HOMER1: variants seen among roughly 807,000 people sequenced by gnomAD.
HOMER1 encodes the protein homer scaffold protein 1.
In HOMER1, 3 loss-of-function variants were observed where a neutral mutation model predicts 48.9. The observed-to-expected ratio is 0.06, with a 90% CI of 0.03 to 0.16. The LOEUF is 0.16. Ranked by LOEUF, HOMER1 falls within the 10% of genes least tolerant of loss-of-function variation. HOMER1 has a pLI of 1.00. For missense variants in HOMER1, 247 were observed against 411.4 expected (o/e 0.60, Z 3.46); for synonymous variants, 134 against 146.4 (o/e 0.92, Z 0.61).
chr5:79,405,638 GT>G (rs775786143), intron 5 of HOMER1, among the ~76,000 whole-genome samples: 78 of 151,912 alleles, frequency 5.1e-4, no homozygotes, highest in Admixed American at 1.4e-3. Flanking sequence ...GTATTTTCCA[GT>G]TATTACACCC....
At chr5:79,407,467 A>G (rs1254715637) in intron 5 of HOMER1, among the ~76,000 whole-genome samples, 1 of 152,226 alleles carries the variant, frequency 6.6e-6, no homozygotes, top group East Asian at 1.9e-4. Context: ...ACGTTCACTC[A>G]GATTGTGAAT....
At chr5:79,402,483 A>G (rs1222873788) in intron 5 of HOMER1, among the ~76,000 whole-genome samples, 1 of 152,190 alleles carries the variant, frequency 6.6e-6, no homozygotes, top group African/African-American at 2.4e-5. Flanking sequence ...GAATGTTTTC[A>G]AAGACAACCT....
chr5:79,442,667 C>A (rs1750766197), intron 4 of HOMER1, among the ~76,000 whole-genome samples: 1 of 152,192 alleles, frequency 6.6e-6, no homozygotes, highest in Non-Finnish European at 1.5e-5. Flanking sequence ...TACCATTTAA[C>A]AAACATTCAT....
chr5:79,481,107 C>G (rs1158554023), intron 1 of HOMER1, among the ~76,000 whole-genome samples: 1 of 152,138 alleles, frequency 6.6e-6, no homozygotes, highest in Non-Finnish European at 1.5e-5. Flanking sequence ...ATTGCTTTTT[C>G]TTTCATCACT....
chr5:79,479,120 G>A (rs150358841), intron 1 of HOMER1, among the ~76,000 whole-genome samples: 8 of 152,280 alleles, frequency 5.3e-5, no homozygotes, highest in South Asian at 2.1e-4. Context: ...AAACTTCACT[G>A]AGTAAAACCG....
intron 1 of HOMER1, among the ~76,000 whole-genome samples, chr5:79,507,604 A>C (rs1752815392): frequency 6.6e-6 from 1 of 152,150 alleles, no homozygotes; most frequent in Non-Finnish European, 1.5e-5. Flanking sequence ...AGAAAACATT[A>C]AGCACTCGGC....
At chr5:79,390,120 T>C (rs1749211522) in intron 8 of HOMER1, among the ~76,000 whole-genome samples, 1 of 151,972 alleles carries the variant, frequency 6.6e-6, no homozygotes, top group Non-Finnish European at 1.5e-5. Flanking sequence ...ACCCCACTTC[T>C]ACAAAAAATT....
chr5:79,387,136 A>G (rs1177223782), intron 8 of HOMER1, among the ~76,000 whole-genome samples: 3 of 148,812 alleles, frequency 2.0e-5, no homozygotes, highest in Admixed American at 1.4e-4. Flanking sequence ...ACCCAGACGT[A>G]CACGTTTCTT....
chr5:79,506,712 C>CTATA (rs1752778294), intron 1 of HOMER1, among the ~76,000 whole-genome samples: 1 of 152,044 alleles, frequency 6.6e-6, no homozygotes, highest in African/African-American at 2.4e-5. Context: ...TGGTGTGAGC[C>CTATA]TATAGTCCCA....
At chr5:79,412,544 C>G (rs952676236) in intron 5 of HOMER1, among the ~76,000 whole-genome samples, 1 of 152,154 alleles carries the variant, frequency 6.6e-6, no homozygotes, top group Non-Finnish European at 1.5e-5. Flanking sequence ...ACACATGGGA[C>G]AGATGCAAAT....
chr5:79,471,181 G>A (rs538853739), intron 1 of HOMER1, among the ~76,000 whole-genome samples: 5 of 152,164 alleles, frequency 3.3e-5, no homozygotes, highest in African/African-American at 1.2e-4. Flanking sequence ...AAAACATAAG[G>A]TAGATCTTTC....
At chr5:79,463,531 G>A (rs1751375132) in intron 1 of HOMER1, among the ~76,000 whole-genome samples, 1 of 152,128 alleles carries the variant, frequency 6.6e-6, no homozygotes, top group Non-Finnish European at 1.5e-5. Flanking sequence ...CTTATCTCCA[G>A]GCTTCTATAT....
chr5:79,397,481 A>G, intron 7 of HOMER1, 46 bp downstream of exon 7: 1 of 1,094,464 alleles, frequency 9.1e-7, no homozygotes, highest in Non-Finnish European at 1.4e-6. Flanking sequence ...AATACTTTGT[A>G]CAAACATGTT....
At chr5:79,430,665 G>A (rs1280025095) in intron 5 of HOMER1, among the ~76,000 whole-genome samples, 5 of 152,226 alleles carry the variant, frequency 3.3e-5, no homozygotes, top group East Asian at 1.9e-4. Context: ...GGTGCCGGGC[G>A]TGGTGGCTCA....
intron 5 of HOMER1, among the ~76,000 whole-genome samples, chr5:79,412,812 CAG>C: frequency 6.6e-6 from 1 of 152,276 alleles, no homozygotes; most frequent in South Asian, 2.1e-4. Context: ...CAATAAACGT[CAG>C]TGACGAGATG....
chr5:79,484,367 T>A (rs940254979), intron 1 of HOMER1, among the ~76,000 whole-genome samples: 20 of 152,070 alleles, frequency 1.3e-4, no homozygotes, highest in Non-Finnish European at 2.6e-4. Flanking sequence ...ATACATAAGA[T>A]GGTAGACTTA....
chr5:79,457,384 A>G (rs1321079938), intron 1 of HOMER1, among the ~76,000 whole-genome samples: 1 of 152,206 alleles, frequency 6.6e-6, no homozygotes, highest in Non-Finnish European at 1.5e-5. Flanking sequence ...CAAAGTGACA[A>G]TGCCTTCTTG....
intron 1 of HOMER1, chr5:79,510,704 C>G: frequency 2.4e-6 from 2 of 847,300 alleles, no homozygotes; most frequent in South Asian, 1.3e-5. Flanking sequence ...GGGTGTCAGC[C>G]GCAAGCTCAA....
intron 1 of HOMER1, among the ~76,000 whole-genome samples, chr5:79,461,639 T>C (rs1315096494): frequency 6.6e-6 from 1 of 152,210 alleles, no homozygotes; most frequent in Non-Finnish European, 1.5e-5. Context: ...TCATGTAATA[T>C]ATTTACATCT....
Sources: gnomAD v4.1 joint callset for allele counts (sites outside exome capture counted in the v4.1 genomes callset) on GRCh38, gnomAD v4.1.1 for gene constraint, MANE v1.5 for transcripts, NCBI Gene and HGNC (gene_info 2026-07-23, HGNC 2026-07-21) for gene names.